Variants in TENM3 observed in about 807,000 individuals in gnomAD.
TENM3 encodes teneurin transmembrane protein 3, also known as teneurin-3.
Under a neutral mutation model 255.1 loss-of-function variants are expected in TENM3, and 63 were observed. That is an observed-to-expected ratio of 0.25 (90% CI 0.20 to 0.30). The LOEUF (loss-of-function observed/expected upper bound fraction) is 0.30. TENM3 is among the 10% of genes least tolerant of loss of function. The pLI, the probability that TENM3 is intolerant of heterozygous loss-of-function variation, is 1.00. For synonymous variants in TENM3, 1,306 were observed against 1,322.3 expected, an observed-to-expected ratio of 0.99 and a Z score of 0.27; for missense variants, 2,929 against 3,461.1, an observed-to-expected ratio of 0.85 and a Z score of 3.86.
chr4:181,931,565 A>G, the TENM3 span, among the ~76,000 whole-genome samples: 1 of 152,208 alleles, frequency 6.6e-6, no homozygotes, highest in African/African-American at 2.4e-5. Context: ...AGGAAGAATC[A>G]ATATCATGAA....
At chr4:181,772,836 G>A in the TENM3 span, among the ~76,000 whole-genome samples, 4 of 152,014 alleles carry the variant, frequency 2.6e-5, no homozygotes, top group Non-Finnish European at 4.4e-5. Flanking sequence ...TATTATATAG[G>A]TAATACAGTG....
At chr4:182,556,205 C>A (rs2151952205) in intron 3 of TENM3, among the ~76,000 whole-genome samples, 1 of 152,284 alleles carries the variant, frequency 6.6e-6, no homozygotes, top group East Asian at 1.9e-4. Flanking sequence ...ATGAAAGCAG[C>A]AATTTTACAG....
intron 1 of TENM3, among the ~76,000 whole-genome samples, chr4:182,180,407 G>T (rs768654943): frequency 1.3e-5 from 2 of 152,006 alleles, no homozygotes; most frequent in African/African-American, 2.4e-5. Context: ...TTGAAATCCT[G>T]CTTTGACATC....
chr4:181,610,612 T>G, the TENM3 span, among the ~76,000 whole-genome samples: 1 of 152,100 alleles, frequency 6.6e-6, no homozygotes, highest in Non-Finnish European at 1.5e-5. Flanking sequence ...ATGAGTGATG[T>G]GACACAATGA....
In TENM3 at chr4:182,394,141, A is replaced by G. The variant is rs1324186320; in HGVS notation, c.511+47212A>G. On this transcript the variant is annotated intron_variant, in intron 3 of 27. Transcript: ENST00000511685. ...TAAGAAGGTCACCAATGCATCTATGATATCTACAAGGGCTGTGCTTGGTCT... is the reference window on the plus strand; with the variant it reads ...TAAGAAGGTCACCAATGCATCTATGGTATCTACAAGGGCTGTGCTTGGTCT... Among the ~76,000 whole-genome samples, 4 of 152,318 alleles carry G rather than the reference A, an allele frequency of 2.6e-5. No homozygotes were observed. In the East Asian group the frequency reaches 7.7e-4, roughly 29 times the overall value.
At chr4:182,579,471 T>C (rs1442815022) in intron 3 of TENM3, among the ~76,000 whole-genome samples, 2 of 152,104 alleles carry the variant, frequency 1.3e-5, no homozygotes, top group African/African-American at 4.8e-5. Flanking sequence ...CACCAAACTT[T>C]TGAGTAGAAA....
chr4:181,482,759 A>G, the TENM3 span, among the ~76,000 whole-genome samples: 1 of 152,068 alleles, frequency 6.6e-6, no homozygotes, highest in African/African-American at 2.4e-5. Flanking sequence ...TCTGTATTTT[A>G]CCGACCTTTC....
the TENM3 span, among the ~76,000 whole-genome samples, chr4:181,900,692 TG>T: frequency 1.3e-5 from 2 of 152,354 alleles, no homozygotes; most frequent in South Asian, 4.1e-4. Flanking sequence ...CTCTGCTCTG[TG>T]TAAAGCACTC....
chr4:182,459,658 A>T (rs1374653236), intron 3 of TENM3, among the ~76,000 whole-genome samples: 2 of 152,208 alleles, frequency 1.3e-5, no homozygotes, highest in Non-Finnish European at 2.9e-5. Flanking sequence ...GCTTCCAGTT[A>T]GGAATAGGAG....
In TENM3 at chr4:182,758,365, G is replaced by C. The variant is rs1003296608; in HGVS notation, c.4892+3106G>C. On this transcript the variant is annotated intron_variant, in intron 22 of 27. Coordinates refer to ENST00000511685, the MANE Select transcript of TENM3 (RefSeq NM_001080477.4). ...GGGTGGGGGGAGGTGTCATTATCAG[G>C]CCGCCCCTCCAGAAGCACTGTCTGT... Among the ~76,000 whole-genome samples the C allele has an allele frequency of 3.9e-5, 6 of 152,070 alleles. No individual in the cohort carries two copies. In the East Asian group the frequency reaches 1.2e-3, roughly 29 times the overall value.
chr4:182,021,035 C>G, the TENM3 span, among the ~76,000 whole-genome samples: 3 of 151,930 alleles, frequency 2.0e-5, no homozygotes, highest in African/African-American at 7.3e-5. Flanking sequence ...TTCTGTTGAA[C>G]CTATAACCCA....
chr4:181,451,258 C>T, the TENM3 span, among the ~76,000 whole-genome samples: 46 of 152,202 alleles, frequency 3.0e-4, no homozygotes, highest in African/African-American at 1.1e-3. Flanking sequence ...CTGGCATTCT[C>T]ATGGAACTGA....
chr4:181,643,323 T>G, the TENM3 span, among the ~76,000 whole-genome samples: 1 of 152,268 alleles, frequency 6.6e-6, no homozygotes, highest in African/African-American at 2.4e-5. Context: ...TGTCTTGTGA[T>G]TTTTGCACAT....
At chr4:181,448,879 A>G in the TENM3 span, among the ~76,000 whole-genome samples, 2 of 152,170 alleles carry the variant, frequency 1.3e-5, no homozygotes, top group African/African-American at 2.4e-5. Context: ...TTATAATTTT[A>G]TTAGACACTT....
intron 19 of TENM3, among the ~76,000 whole-genome samples, chr4:182,750,221 A>G (rs778598861): frequency 6.6e-6 from 1 of 152,116 alleles, no homozygotes; most frequent in African/African-American, 2.4e-5. Context: ...TTCTGAGTTC[A>G]TCTTACTTTT....
At chr4:182,176,242 G>A (rs1164304276) in intron 1 of TENM3, among the ~76,000 whole-genome samples, 1 of 152,166 alleles carries the variant, frequency 6.6e-6, no homozygotes, top group Admixed American at 6.5e-5. Context: ...TTGAGGGGCG[G>A]AGTAGCATAC....
the TENM3 span, among the ~76,000 whole-genome samples, chr4:181,555,526 T>G: frequency 6.6e-6 from 1 of 152,340 alleles, no homozygotes; most frequent in Admixed American, 6.5e-5. Flanking sequence ...ACAAATAAAA[T>G]TCTTCAATAT....
At chr4:181,501,965 A>G in the TENM3 span, among the ~76,000 whole-genome samples, 1 of 152,124 alleles carries the variant, frequency 6.6e-6, no homozygotes, top group Admixed American at 6.5e-5. Flanking sequence ...AGCCCAGGAC[A>G]CTCACAAGCA....
intron 3 of TENM3, among the ~76,000 whole-genome samples, chr4:182,429,547 C>T (rs1438632668): frequency 6.6e-6 from 1 of 151,958 alleles, no homozygotes; most frequent in East Asian, 1.9e-4. Flanking sequence ...TAATTTATTG[C>T]CTAAAATGAC....
Sources: allele counts gnomAD v4.1 joint callset (sites outside exome capture counted in the v4.1 genomes callset), GRCh38; gene constraint gnomAD v4.1.1; transcripts MANE v1.5; gene names NCBI Gene and HGNC (gene_info 2026-07-23, HGNC 2026-07-21).